The following PRTG variants were observed in gnomAD, a reference collection of about 807,000 sequenced individuals.
PRTG encodes immunoglobulin superfamily, DCC subclass, member 5.
PRTG carries 67 observed loss-of-function variants against 122.5 expected under a neutral mutation model. The observed-to-expected ratio is 0.55, with a 90% confidence interval of 0.45 to 0.67. PRTG has a LOEUF of 0.67. Among genes scored for constraint, PRTG ranks in the 30% least tolerant of loss-of-function variants. PRTG has a pLI of 0.00. For missense variants in PRTG, 1,435 were observed against 1,415.4 expected (o/e 1.01, Z -0.22); for synonymous variants, 554 against 501.1 (o/e 1.11, Z -1.41).
intron 11 of PRTG, among the ~76,000 whole-genome samples, chr15:55,654,236 G>A (rs995666975): frequency 1.8e-4 from 28 of 152,296 alleles, no homozygotes; most frequent in African/African-American, 6.5e-4. Flanking sequence ...GAAATATGGT[G>A]AGGGTTGATA....
intron 15 of PRTG, among the ~76,000 whole-genome samples, chr15:55,633,649 G>T (rs1423025875): frequency 2.6e-5 from 4 of 152,004 alleles, no homozygotes; most frequent in Non-Finnish European, 5.9e-5. Flanking sequence ...TCCAAAAGCT[G>T]CCATAATTAT....
intron 4 of PRTG, among the ~76,000 whole-genome samples, chr15:55,681,691 A>AT (rs2059539132): frequency 6.6e-6 from 1 of 152,086 alleles, no homozygotes; most frequent in Non-Finnish European, 1.5e-5. Flanking sequence ...TGCATGTATC[A>AT]TTTTTACAAA....
chr15:55,637,304 A>T lies in PRTG; in HGVS notation c.2489T>A (p.Leu830Ter). 2 of 1,613,620 alleles carry T rather than the reference A, an allele frequency of 1.2e-6. No individual in the cohort carries two copies. The highest frequency in any genetic ancestry group is 1.7e-6 in the Non-Finnish European group (2 of 1,179,858). The stretch of plus-strand genomic sequence containing the variant: ...AACCAGGGCAGTGTCATCCTCTATT[A>T]ATGTCACTTTTACTCCAACTGGTGG... ...AGPPVGVKVT[L>*]IEDDTALVSW... The change falls in exon 15 of 20, where the codon TTA becomes TAA. Residue 830 changes from leucine to a stop codon, truncating the protein, a stop_gained. Transcript: ENST00000389286. LOFTEE classifies it high-confidence loss of function.
At chr15:55,649,479 T>C (rs969392823) in intron 11 of PRTG, among the ~76,000 whole-genome samples, 1 of 151,860 alleles carries the variant, frequency 6.6e-6, no homozygotes, top group Non-Finnish European at 1.5e-5. Flanking sequence ...ACAATAGTAA[T>C]ATACTAATAA....
At chr15:55,620,443 C>A (rs2059159958) in intron 19 of PRTG, among the ~76,000 whole-genome samples, 177 bp from the exon 20 acceptor site, 2 of 152,200 alleles carry the variant, frequency 1.3e-5, no homozygotes, top group South Asian at 4.1e-4. Flanking sequence ...CCTTACCTCA[C>A]TGACCCTACT....
Position 55,617,609 on chromosome 15 carries a change from A to G in PRTG, c.*2403T>C, listed in dbSNP as rs1377132842. ...GTATAAGAACAAAATGAAAAGGTAA[A>G]AAATGTACTGTTAAATAATTATCAA... On this transcript the variant is annotated 3_prime_UTR_variant, in exon 20 of 20. Coordinates refer to ENST00000389286, the MANE Select transcript of PRTG (RefSeq NM_173814.6). The G allele has an allele frequency of 6.6e-6, 1 of 152,162 alleles. No homozygotes were observed. Among genetic ancestry groups the G allele is most frequent in the African/African-American group, 2.4e-5 (1 of 41,446 alleles). 9.4% of individuals were successfully genotyped at this position (152,162 alleles called of 1,614,324 possible).
At chr15:55,681,510 C>T (rs1404914417) in intron 4 of PRTG, 2 of 151,950 alleles carry the variant, frequency 1.3e-5, no homozygotes, top group Non-Finnish European at 2.9e-5. Context: ...TCCCTTCTAC[C>T]TATATTAATG....
At chr15:55,662,045 A>G (rs544117438) in intron 11 of PRTG, among the ~76,000 whole-genome samples, 1 of 152,176 alleles carries the variant, frequency 6.6e-6, no homozygotes, top group African/African-American at 2.4e-5. Flanking sequence ...AAGGTCCAGG[A>G]AAAAAAACTC....
Position 55,616,153 on chromosome 15 carries a change from T to A in PRTG, c.*3859A>T, listed in dbSNP as rs2059140980. ...TTTTACTTTTAGGCTAATCAAAATA[T>A]AAAACCCCAGATTTCATTAAAAATT... On this transcript the variant is annotated 3_prime_UTR_variant, in exon 20 of 20. Transcript: ENST00000389286. 6.6e-6 allele frequency: 1 copy of A among 152,110 alleles called. No homozygotes were observed. The highest frequency in any genetic ancestry group is 2.1e-4 in the South Asian group (1 of 4,826). 9.4% of individuals were successfully genotyped at this position (152,110 alleles called of 1,614,324 possible).
Position 55,740,428 on chromosome 15 carries a change from G to A in PRTG, c.351C>T (p.Asn117=). The A allele has an allele frequency of 1.2e-6, 2 of 1,613,710 alleles. No individual in the cohort carries two copies. Among genetic ancestry groups the A allele is most frequent in the Middle Eastern group, 1.6e-4 (1 of 6,062 alleles). The change falls in exon 2 of 20, where the codon AAC becomes AAT. Residue 117 remains asparagine (N), a synonymous_variant. Coordinates refer to ENST00000389286, the MANE Select transcript of PRTG (RefSeq NM_173814.6). Reference sequence around the variant, plus strand: ...TTTGACTAAGAATGGCTCCATATTTGTTCATTGCCAAGCACTGATAAAATC... The same window carrying A: ...TTTGACTAAGAATGGCTCCATATTTATTCATTGCCAAGCACTGATAAAATC... ...DEGFYQCLAM[N]KYGAILSQKA...
At chr15:55,699,317 C>G (rs535449956) in intron 2 of PRTG, among the ~76,000 whole-genome samples, 417 of 152,188 alleles carry the variant, frequency 2.7e-3, no homozygotes, top group Middle Eastern at 0.02. Context: ...TCTGGCACCC[C>G]TTCCAATGAA....
At chr15:55,650,821 G>T (rs1338500537) in intron 11 of PRTG, among the ~76,000 whole-genome samples, 3 of 152,052 alleles carry the variant, frequency 2.0e-5, no homozygotes, top group Admixed American at 2.0e-4. Context: ...ACAGAAATTA[G>T]CTAGGCATGA....
chr15:55,640,558 C>T (rs760380820), intron 12 of PRTG, among the ~76,000 whole-genome samples: 5 of 152,196 alleles, frequency 3.3e-5, no homozygotes, highest in Non-Finnish European at 7.3e-5. Flanking sequence ...TGGAGAGAAA[C>T]AGCCTCGAGG....
chr15:55,621,829 G>A (rs1052296547), intron 18 of PRTG, among the ~76,000 whole-genome samples: 1 of 151,974 alleles, frequency 6.6e-6, no homozygotes, highest in African/African-American at 2.4e-5. Flanking sequence ...TTTTCAAATG[G>A]TATAGCAAGC....
At position 55,613,805 on chromosome 15, in the gene PRTG, C is replaced by T. The variant is rs1416976642; in HGVS notation, c.*6207G>A. 4 of 137,378 alleles carry T rather than the reference C, an allele frequency of 2.9e-5. No individual in the cohort carries two copies. Among genetic ancestry groups the T allele is most frequent in the African/African-American group, 8.0e-5 (3 of 37,410 alleles). 8.5% of individuals were successfully genotyped at this position (137,378 alleles called of 1,614,324 possible). The stretch of plus-strand genomic sequence containing the variant: ...TTAAGCTGAGACAATGTATCATAGT[C>T]CTATACACTTCTGAGTAAGGATTAA... On this transcript the variant is annotated 3_prime_UTR_variant, in exon 20 of 20. Transcript: ENST00000389286.
At chr15:55,688,331 C>T (rs2059581806) in intron 2 of PRTG, among the ~76,000 whole-genome samples, 1 of 152,178 alleles carries the variant, frequency 6.6e-6, no homozygotes, top group Non-Finnish European at 1.5e-5. Context: ...AGGGCTCGCT[C>T]TCCCTCCTCT....
Position 55,743,149 on chromosome 15 carries a change from G to C in PRTG, c.-218C>G, listed in dbSNP as rs1282618318. 1 of 1,243,910 alleles carries C rather than the reference G, an allele frequency of 8.0e-7. No individual in the cohort carries two copies. The highest frequency in any genetic ancestry group is 1.0e-6 in the Non-Finnish European group (1 of 996,348). 77.1% of individuals were successfully genotyped at this position (1,243,910 alleles called of 1,614,324 possible). A position where few individuals can be genotyped will look rare whatever the true frequency, so the allele number is the denominator to read the frequency against. ...GGGCCTGAGAGTCCGGCTGGGGGCGGAGTGAGGCGGCGGCTGCAGAGGGCG... is the reference window on the plus strand; with the variant it reads ...GGGCCTGAGAGTCCGGCTGGGGGCGCAGTGAGGCGGCGGCTGCAGAGGGCG... On this transcript the variant is annotated 5_prime_UTR_variant, in exon 1 of 20. Coordinates refer to ENST00000389286, the MANE Select transcript of PRTG (RefSeq NM_173814.6).
intron 18 of PRTG, among the ~76,000 whole-genome samples, chr15:55,624,040 T>C (rs531176012): frequency 8.4e-4 from 128 of 152,300 alleles, no homozygotes; most frequent in Middle Eastern, 3.4e-3. Flanking sequence ...CATGGTGTCC[T>C]TGGTTAAAAC....
At chr15:55,672,316 C>T (rs2141795150) in intron 11 of PRTG, 129 bp downstream of exon 11, 2 of 758,244 alleles carry the variant, frequency 2.6e-6, no homozygotes, top group South Asian at 1.9e-5. Flanking sequence ...CATATACACA[C>T]TGACATAGTA....
Sources: gnomAD v4.1 joint callset for allele counts (sites outside exome capture counted in the v4.1 genomes callset) on GRCh38, gnomAD v4.1.1 for gene constraint, MANE v1.5 for transcripts, NCBI Gene and HGNC (gene_info 2026-07-23, HGNC 2026-07-21) for gene names.